PACS2: variants seen among roughly 807,000 people sequenced by gnomAD.
PACS2 encodes phosphofurin acidic cluster sorting protein 2, also known as PACS1-like protein.
Under a neutral mutation model 113.0 loss-of-function variants are expected in PACS2, and 36 were observed. The observed-to-expected ratio is 0.32, with a 90% confidence interval of 0.24 to 0.42. The LOEUF (loss-of-function observed/expected upper bound fraction) is 0.42, where lower values mean the gene tolerates loss of function less well. Ranked by LOEUF, PACS2 falls within the 10% of genes least tolerant of loss-of-function variation. The pLI, the probability that PACS2 is intolerant of heterozygous loss-of-function variation, is 1.00. For synonymous variants in PACS2, 589 were observed against 536.1 expected (o/e 1.10, Z -1.36); for missense variants, 1,015 against 1,239.5 (o/e 0.82, Z 2.72).
intron 9 of PACS2, among the ~76,000 whole-genome samples, chr14:105,377,756 A>G (rs587706242): frequency 1.5e-3 from 231 of 152,342 alleles, no homozygotes; most frequent in Non-Finnish European, 2.5e-3. Context: ...AGCAGCCACC[A>G]TAACAGGTGA....
intron 1 of PACS2, among the ~76,000 whole-genome samples, chr14:105,308,528 G>A (rs1430391090): frequency 1.0e-4 from 15 of 150,026 alleles, no homozygotes; most frequent in African/African-American, 3.2e-4. Context: ...TGTCGTCCGG[G>A]CTGGAGTGCA....
chr14:105,397,518 CGTAG>C lies in PACS2; in HGVS notation c.*2847_*2850del, dbSNP rs1366426382. 2 of 152,330 alleles carry C rather than the reference CGTAG, an allele frequency of 1.3e-5. No homozygotes were observed. The highest frequency in any genetic ancestry group is 4.8e-5 in the African/African-American group (2 of 41,470). 9.4% of individuals were successfully genotyped at this position (152,330 alleles called of 1,614,324 possible). A position where few individuals can be genotyped will look rare whatever the true frequency, so the allele number is the denominator to read the frequency against. ...GCCTGGTGGCCACTGTCCACTATTA[CGTAG>C]ACAGACCCCACCCTCACCCAGGCCA... On this transcript the variant is annotated 3_prime_UTR_variant, in exon 25 of 25. Coordinates refer to ENST00000447393, the MANE Select transcript of PACS2 (RefSeq NM_001100913.3).
chr14:105,380,910 C>T (rs201321018), intron 11 of PACS2, 47 bp from the exon 12 acceptor site: 449 of 1,568,424 alleles, frequency 2.9e-4, no homozygotes, highest in Non-Finnish European at 3.4e-4. Flanking sequence ...GGCCGCAGCA[C>T]GGGTGTGGTT....
At chr14:105,389,240 C>G (rs782480132) in intron 19 of PACS2, 1 of 152,524 alleles carries the variant, frequency 6.6e-6, no homozygotes, top group Non-Finnish European at 1.5e-5. Flanking sequence ...GACCAGACTT[C>G]CAGGAGAGGC....
chr14:105,369,761 G>A, intron 7 of PACS2, 80 bp from the exon 8 acceptor site: 1 of 1,291,402 alleles, frequency 7.7e-7, no homozygotes, highest in Non-Finnish European at 1.1e-6. Flanking sequence ...CCTGGGTGCG[G>A]CCTGGGCCTG....
chr14:105,304,182 C>A (rs894549012), intron 1 of PACS2, among the ~76,000 whole-genome samples: 1 of 152,120 alleles, frequency 6.6e-6, no homozygotes, highest in African/African-American at 2.4e-5. Context: ...ACACCCACAA[C>A]GGTAAGAGGT....
Position 105,385,564 on chromosome 14 carries a change from G to A in PACS2, c.2001-121G>A, listed in dbSNP as rs139016633. 195 of 586,650 alleles carry A rather than the reference G, an allele frequency of 3.3e-4. 1 individual carries two copies. The East Asian group carries it at 3.9e-3, about 12-fold the overall frequency. 36.3% of individuals were successfully genotyped at this position (586,650 alleles called of 1,614,324 possible). On this transcript the variant is annotated intron_variant, in intron 18 of 24. Coordinates refer to ENST00000447393, the MANE Select transcript of PACS2 (RefSeq NM_001100913.3). ...TGCAAGGCGCAAAGCCAGCGCTCAC[G>A]GGCTCTCCCACGCAGGAGCCCCAGT...
At chr14:105,316,705 A>T (rs939858568) in intron 1 of PACS2, among the ~76,000 whole-genome samples, 1 of 145,228 alleles carries the variant, frequency 6.9e-6, no homozygotes, top group African/African-American at 2.5e-5. Context: ...TGGGGAGGGT[A>T]TGGGTAGGGC....
intron 8 of PACS2, chr14:105,371,988 C>T (rs1433802929): frequency 6.6e-6 from 1 of 152,244 alleles, no homozygotes; most frequent in East Asian, 1.9e-4. Flanking sequence ...GGGCAGAGCT[C>T]TCGGGCCCTA....
rs587676251 is a variant in PACS2, at chr14:105,385,199, G to A, written c.2000+212G>A. Among the ~76,000 whole-genome samples, 43 of 152,338 alleles carry A rather than the reference G, an allele frequency of 2.8e-4. No homozygotes were observed. In the South Asian group the frequency reaches 6.6e-3, roughly 23 times the overall value. On this transcript the variant is annotated intron_variant, in intron 18 of 24. Transcript: ENST00000447393. ...ATCCCTCATAGTAAGCGCCATTTCCGCACCTGTTTCTGTGCATGTTGAAAC... is the reference window on the plus strand; with the variant it reads ...ATCCCTCATAGTAAGCGCCATTTCCACACCTGTTTCTGTGCATGTTGAAAC...
chr14:105,334,810 G>C (rs587622420), intron 1 of PACS2, among the ~76,000 whole-genome samples: 1 of 152,116 alleles, frequency 6.6e-6, no homozygotes, highest in African/African-American at 2.4e-5. Context: ...AGCTCATAAC[G>C]TGCACTGCGG....
At chr14:105,368,182 G>A in intron 6 of PACS2, 35 bp downstream of exon 6, 1 of 1,459,288 alleles carries the variant, frequency 6.9e-7, no homozygotes, top group Non-Finnish European at 9.5e-7. Context: ...CCCTCTCCTG[G>A]CTCACACCGG....
chr14:105,373,302 C>T (rs905742471), intron 8 of PACS2, among the ~76,000 whole-genome samples: 2 of 152,184 alleles, frequency 1.3e-5, no homozygotes, highest in Admixed American at 6.5e-5. Flanking sequence ...TTATACTTCC[C>T]AATTTCAAAA....
In PACS2 at chr14:105,324,940, G is replaced by T. The variant is rs1315168448; in HGVS notation, c.119+9903G>T. ...AAGGGAAGACACTGGGGAAGGGGTG[G>T]GTCTGCCCTTCCTGCTGGGGGTGCA... On this transcript the variant is annotated intron_variant, in intron 1 of 24. Transcript: ENST00000447393. This position sits in a 1 kb window ranked among gnomAD's most constrained non-coding sequence, Gnocchi z 4.7. Among the ~76,000 whole-genome samples the T allele has an allele frequency of 6.6e-6, 1 of 152,082 alleles. No individual in the cohort carries two copies. Among genetic ancestry groups the T allele is most frequent in the Non-Finnish European group, 1.5e-5 (1 of 67,988 alleles).
At chr14:105,377,378 G>C (rs1209029257) in intron 9 of PACS2, among the ~76,000 whole-genome samples, 2 of 152,154 alleles carry the variant, frequency 1.3e-5, no homozygotes, top group Non-Finnish European at 2.9e-5. Flanking sequence ...CTCTGTGGCT[G>C]GATGGGAGGA....
chr14:105,385,053 C>G, intron 18 of PACS2, 66 bp downstream of exon 18: 1 of 1,007,926 alleles, frequency 9.9e-7, no homozygotes, highest in Non-Finnish European at 1.5e-6. Flanking sequence ...CGTGGGCCTC[C>G]CCACCCGCTG....
At chr14:105,381,893 G>A (rs1410914731) in intron 12 of PACS2, 21 bp from the exon 13 acceptor site, 1 of 1,547,076 alleles carries the variant, frequency 6.5e-7, no homozygotes, top group Non-Finnish European at 8.7e-7. Flanking sequence ...CAGCCACTTA[G>A]CCTGTCCTGG....
chr14:105,321,599 G>T (rs1285428126), intron 1 of PACS2, among the ~76,000 whole-genome samples: 2 of 152,126 alleles, frequency 1.3e-5, no homozygotes, highest in Admixed American at 1.3e-4. Flanking sequence ...TTGGGCTCAA[G>T]CAGTCTACCT....
Position 105,348,598 on chromosome 14 carries a change from C to G in PACS2, c.207+18C>G, listed in dbSNP as rs782635207. ...AGATGCAGGTGAGGCCGCTTGTGAC[C>G]CCGGCTGTGGCTGGGTGCTGTGTAG... On this transcript the variant is annotated intron_variant, in intron 2 of 24. Transcript: ENST00000447393. This position sits in a 1 kb window ranked among gnomAD's most constrained non-coding sequence, Gnocchi z 6.4. 6.3e-7 allele frequency: 1 copy of G among 1,577,754 alleles called. No homozygotes were observed. Among genetic ancestry groups the G allele is most frequent in the East Asian group, 2.2e-5 (1 of 44,740 alleles).
Sources: gnomAD v4.1 joint callset for allele counts (sites outside exome capture counted in the v4.1 genomes callset) on GRCh38, gnomAD v4.1.1 for gene constraint, Gnocchi (gnomAD v3.1) non-coding constraint, MANE v1.5 for transcripts, NCBI Gene and HGNC (gene_info 2026-07-23, HGNC 2026-07-21) for gene names.